The following HECW1 variants were observed in gnomAD, a reference collection of about 807,000 sequenced individuals.
HECW1 encodes E3 ubiquitin-protein ligase HECW1.
In HECW1, 61 loss-of-function variants were observed where a neutral mutation model predicts 182.3. The ratio of observed to expected loss-of-function variants is 0.33; its 90% CI spans 0.27 to 0.41. The LOEUF is 0.41. Ranked by LOEUF, HECW1 falls within the 10% of genes least tolerant of loss-of-function variation. HECW1 has a pLI of 1.00. For synonymous variants in HECW1, 859 were observed against 832.6 expected (o/e 1.03, Z -0.55); for missense variants, 1,739 against 2,108.9 (o/e 0.82, Z 3.44).
intron 3 of HECW1, chr7:43,274,410 T>C (rs1802823395): frequency 6.3e-6 from 4 of 635,042 alleles, no homozygotes; most frequent in South Asian, 5.1e-5. Context: ...GGCTGCTCTA[T>C]GACTCCCGGA....
At chr7:43,278,918 T>C (rs1803527899) in intron 3 of HECW1, among the ~76,000 whole-genome samples, 1 of 152,184 alleles carries the variant, frequency 6.6e-6, no homozygotes, top group Non-Finnish European at 1.5e-5. Flanking sequence ...TGTAGTCTCC[T>C]CCCCATTAGG....
intron 12 of HECW1, among the ~76,000 whole-genome samples, chr7:43,452,418 T>G (rs751879288): frequency 6.6e-6 from 1 of 152,298 alleles, no homozygotes; most frequent in Non-Finnish European, 1.5e-5. Context: ...GAGAACAAAT[T>G]TCTCCAGACA....
At chr7:43,283,980 G>A (rs1044172158) in intron 3 of HECW1, among the ~76,000 whole-genome samples, 14 of 152,194 alleles carry the variant, frequency 9.2e-5, no homozygotes, top group African/African-American at 1.2e-4. Context: ...ACCAGGATGC[G>A]TCTGCCCTTT....
intron 3 of HECW1, among the ~76,000 whole-genome samples, chr7:43,288,730 C>G (rs1804991060): frequency 6.6e-6 from 1 of 152,158 alleles, no homozygotes; most frequent in Admixed American, 6.5e-5. Flanking sequence ...TCATTATTCA[C>G]CCACCCTCTC....
At chr7:43,329,523 T>A (rs1414796793) in intron 5 of HECW1, among the ~76,000 whole-genome samples, 2 of 151,174 alleles carry the variant, frequency 1.3e-5, no homozygotes, top group Non-Finnish European at 2.9e-5. Context: ...GGAGGTAAGA[T>A]CAACATGGCT....
chr7:43,170,693 A>C (rs1436199465), intron 2 of HECW1, among the ~76,000 whole-genome samples: 1 of 152,182 alleles, frequency 6.6e-6, no homozygotes, highest in East Asian at 1.9e-4. Flanking sequence ...CAGATCATCC[A>C]GGCCTGGAGG....
chr7:43,192,727 C>T (rs1482346501), intron 2 of HECW1, among the ~76,000 whole-genome samples: 2 of 152,102 alleles, frequency 1.3e-5, no homozygotes, highest in Non-Finnish European at 2.9e-5. Flanking sequence ...TTTTTTAGAT[C>T]TTATTTTAAT....
At chr7:43,241,612 A>ATGTG (rs1437778475) in intron 2 of HECW1, 65 of 115,064 alleles carry the variant, frequency 5.6e-4, no homozygotes, top group African/African-American at 2.1e-3. Context: ...TACTCTCCTA[A>ATGTG]TGTATGTGTG....
intron 3 of HECW1, among the ~76,000 whole-genome samples, chr7:43,251,068 CT>C (rs1366040698): frequency 2.0e-5 from 3 of 152,186 alleles, no homozygotes; most frequent in Non-Finnish European, 2.9e-5. Context: ...ACCCCCCTTA[CT>C]GGATGGGCCC....
At chr7:43,520,625 T>TA (rs886675088) in intron 24 of HECW1, among the ~76,000 whole-genome samples, 19 of 151,650 alleles carry the variant, frequency 1.3e-4, no homozygotes, top group African/African-American at 4.3e-4. Flanking sequence ...GAATTATTTT[T>TA]TTATTATTAT....
At chr7:43,188,699 A>G (rs2152681812) in intron 2 of HECW1, among the ~76,000 whole-genome samples, 1 of 152,292 alleles carries the variant, frequency 6.6e-6, no homozygotes, top group East Asian at 1.9e-4. Flanking sequence ...GCTGGAAATG[A>G]CACATGTTAC....
intron 2 of HECW1, among the ~76,000 whole-genome samples, chr7:43,162,359 C>T (rs1190845836): frequency 6.6e-6 from 1 of 152,232 alleles, no homozygotes; most frequent in Non-Finnish European, 1.5e-5. Flanking sequence ...AGAGCCCAAT[C>T]AGTGCCTTTC....
chr7:43,192,535 GAAA>G (rs1343524338), intron 2 of HECW1, among the ~76,000 whole-genome samples: 1 of 149,056 alleles, frequency 6.7e-6, no homozygotes, highest in African/African-American at 2.5e-5. Flanking sequence ...TTCATAAAAA[GAAA>G]AAAGTGGTAC....
intron 3 of HECW1, among the ~76,000 whole-genome samples, chr7:43,244,928 C>A (rs1007396444): frequency 6.6e-6 from 1 of 152,224 alleles, no homozygotes; most frequent in Non-Finnish European, 1.5e-5. Context: ...CCTTGGTACG[C>A]GTCAGCGGGC....
intron 16 of HECW1, among the ~76,000 whole-genome samples, chr7:43,473,265 G>A (rs189257032): frequency 7.2e-5 from 11 of 152,270 alleles, no homozygotes; most frequent in Non-Finnish European, 1.2e-4. Context: ...CAGACACCCA[G>A]TCTTCCAATC....
intron 2 of HECW1, among the ~76,000 whole-genome samples, chr7:43,176,954 C>T (rs910232140): frequency 2.0e-5 from 3 of 152,068 alleles, no homozygotes; most frequent in South Asian, 4.2e-4. Context: ...TCCTGAGATC[C>T]CTTAGATTAC....
At chr7:43,464,229 A>G (rs61696472) in intron 14 of HECW1, among the ~76,000 whole-genome samples, 64,079 of 152,116 alleles carry the variant, frequency 0.42, 13,745 homozygotes, top group Middle Eastern at 0.55. Flanking sequence ...TCACTTATAA[A>G]TAAAACATGC....
chr7:43,134,360 C>T (rs2152624456), intron 2 of HECW1, among the ~76,000 whole-genome samples: 1 of 132,998 alleles, frequency 7.5e-6, no homozygotes, highest in African/African-American at 2.8e-5. Flanking sequence ...CACCATTGCA[C>T]TCCAGTGTGG....
At chr7:43,238,434 C>G (rs893378988) in intron 2 of HECW1, among the ~76,000 whole-genome samples, 17 of 152,174 alleles carry the variant, frequency 1.1e-4, no homozygotes, top group Non-Finnish European at 2.1e-4. Flanking sequence ...GGTGGCCACA[C>G]CCACAGGTGG....
Sources: gnomAD v4.1 joint callset for allele counts (sites outside exome capture counted in the v4.1 genomes callset) on GRCh38, gnomAD v4.1.1 for gene constraint, MANE v1.5 for transcripts, NCBI Gene and HGNC (gene_info 2026-07-23, HGNC 2026-07-21) for gene names.